IFT88: variants seen among roughly 807,000 people sequenced by gnomAD.
IFT88 encodes the protein intraflagellar transport protein 88 homolog.
Under a neutral mutation model 119.5 loss-of-function variants are expected in IFT88, and 74 were observed. That is an observed-to-expected ratio of 0.62 (90% CI 0.51 to 0.75). The LOEUF is 0.75. Ranked by LOEUF, IFT88 falls within the 30% of genes least tolerant of loss-of-function variation. The probability of loss-of-function intolerance (pLI) is 0.00; values close to 1 mark genes in which losing one functional copy is unlikely to be tolerated. For missense variants in IFT88, 961 were observed against 977.7 expected, an observed-to-expected ratio of 0.98 and a Z score of 0.23; for synonymous variants, 279 against 316.7, an observed-to-expected ratio of 0.88 and a Z score of 1.26.
intron 20 of IFT88, among the ~76,000 whole-genome samples, chr13:20,646,207 C>T (rs1222426879): frequency 7.9e-5 from 12 of 152,114 alleles, no homozygotes; most frequent in Non-Finnish European, 7.4e-5. Flanking sequence ...TTTGACCTCC[C>T]TAACTCCATT....
intron 14 of IFT88, among the ~76,000 whole-genome samples, chr13:20,622,468 G>A (rs2139861467): frequency 6.6e-6 from 1 of 152,282 alleles, no homozygotes; most frequent in South Asian, 2.1e-4. Context: ...AATTTCTGGG[G>A]TGCCACATCC....
intron 17 of IFT88, among the ~76,000 whole-genome samples, 157 bp downstream of exon 17, chr13:20,638,675 T>C (rs566905715): frequency 6.6e-6 from 1 of 152,350 alleles, no homozygotes; most frequent in Admixed American, 6.5e-5. Flanking sequence ...TTATAGATTA[T>C]TTTAAATGGA....
intron 9 of IFT88, among the ~76,000 whole-genome samples, chr13:20,597,936 T>C (rs899597792): frequency 2.6e-5 from 4 of 151,998 alleles, no homozygotes; most frequent in African/African-American, 9.7e-5. Flanking sequence ...TAAAATAATG[T>C]TCTATGAGGG....
rs746171601 is a variant in IFT88, at chr13:20,638,370, A to G, written c.1425A>G (p.Ile475Met). ...DFAQASSYADIAVNSDRYNPA... is the reference protein window; with the variant it reads ...DFAQASSYADMAVNSDRYNPA... The stretch of plus-strand genomic sequence containing the variant: ...CACAAGCCAGCAGCTATGCAGATAT[A>G]GCTGTGAACTCTGATAGATATAATC... Residue 475 changes from isoleucine to methionine, a missense_variant, in exon 17 of 26, where the codon ATA becomes ATG. Ile to Met is a conservative substitution (Grantham distance 10). Transcript: ENST00000351808. 3 of 1,450,644 alleles carry G rather than the reference A, an allele frequency of 2.1e-6. No individual in the cohort carries two copies. The highest frequency in any genetic ancestry group is 2.7e-6 in the Non-Finnish European group (3 of 1,100,428). The allele number at this position is 1,450,644 out of a possible 1,614,324, so 89.9% of individuals were successfully genotyped here. A position where few individuals can be genotyped will look rare whatever the true frequency, so the allele number is the denominator to read the frequency against.
intron 22 of IFT88, among the ~76,000 whole-genome samples, chr13:20,660,001 T>C (rs768438915): frequency 1.1e-4 from 17 of 152,222 alleles, no homozygotes; most frequent in Non-Finnish European, 2.4e-4. Flanking sequence ...GGAGTGACTA[T>C]TCTGTTCCAG....
chr13:20,683,661 A>G (rs1344545129), intron 24 of IFT88, among the ~76,000 whole-genome samples: 1 of 152,204 alleles, frequency 6.6e-6, no homozygotes, highest in Non-Finnish European at 1.5e-5. Flanking sequence ...CCGCTCCTGT[A>G]TCTACCAATC....
chr13:20,570,751 A>G (rs1454154214), intron 1 of IFT88, among the ~76,000 whole-genome samples: 1 of 152,174 alleles, frequency 6.6e-6, no homozygotes, highest in South Asian at 2.1e-4. Context: ...TCTTTATGGG[A>G]TGATGAAAGT....
At chr13:20,607,590 C>T (rs2043725866) in intron 13 of IFT88, 2 of 749,340 alleles carry the variant, frequency 2.7e-6, no homozygotes, top group East Asian at 5.0e-5. Flanking sequence ...GATCCACCAT[C>T]TCCCGCTGCT....
rs1566269962 is a variant in IFT88, at chr13:20,630,999, A to G, written c.1300-17A>G. On this transcript the variant is annotated splice_polypyrimidine_tract_variant and intron_variant, in intron 15 of 25. Coordinates refer to ENST00000351808, the MANE Select transcript of IFT88 (RefSeq NM_006531.5). ...TCATATTACAGTGGTAGTAACCTTC[A>G]GATATTCCATTTCTAGGCTGTAGAG... is the stretch of plus-strand genomic sequence containing the variant. 1 of 1,442,490 alleles carries G rather than the reference A, an allele frequency of 6.9e-7. No individual in the cohort carries two copies. Among genetic ancestry groups the G allele is most frequent in the Non-Finnish European group, 9.8e-7 (1 of 1,023,976 alleles). 89.4% of individuals were successfully genotyped at this position (1,442,490 alleles called of 1,614,324 possible).
chr13:20,568,575 G>T (rs2035467958), intron 1 of IFT88, among the ~76,000 whole-genome samples: 1 of 152,146 alleles, frequency 6.6e-6, no homozygotes, highest in Non-Finnish European at 1.5e-5. Context: ...CAGAAATTAT[G>T]GTTCAGAATA....
chr13:20,675,159 C>T (rs927570224), intron 24 of IFT88, among the ~76,000 whole-genome samples: 1 of 152,054 alleles, frequency 6.6e-6, no homozygotes, highest in African/African-American at 2.4e-5. Context: ...GGAGTGTACG[C>T]TCTGAGGAGG....
intron 7 of IFT88, 35 bp from the exon 8 acceptor site, chr13:20,596,115 A>G (rs76965110): frequency 2.2e-5 from 15 of 696,182 alleles, no homozygotes; most frequent in South Asian, 3.3e-5. Context: ...TAGAGGTTGA[A>G]TGATTTAAAT....
chr13:20,672,251 G>A (rs1480749951), intron 24 of IFT88, among the ~76,000 whole-genome samples: 2 of 152,104 alleles, frequency 1.3e-5, no homozygotes, highest in African/African-American at 2.4e-5. Context: ...CAGTGGCATC[G>A]GGTTCTAGCC....
chr13:20,581,058 TC>T (rs1334438106), intron 2 of IFT88, among the ~76,000 whole-genome samples: 1 of 152,134 alleles, frequency 6.6e-6, no homozygotes, highest in Non-Finnish European at 1.5e-5. Context: ...CAGGGACACT[TC>T]CTACCTCCTC....
chr13:20,623,807 G>A (rs189044264), intron 14 of IFT88, among the ~76,000 whole-genome samples: 68 of 152,138 alleles, frequency 4.5e-4, no homozygotes, highest in African/African-American at 1.2e-3. Flanking sequence ...AATTTCTCTC[G>A]GCAATGTTTT....
chr13:20,607,288 G>A, intron 13 of IFT88: 1 of 439,174 alleles, frequency 2.3e-6, no homozygotes, highest in Non-Finnish European at 4.6e-6. Context: ...ACTGCGTGCT[G>A]CCACTCACCT....
intron 13 of IFT88, among the ~76,000 whole-genome samples, chr13:20,609,390 A>G (rs1310309795): frequency 6.6e-6 from 1 of 152,192 alleles, no homozygotes; most frequent in African/African-American, 2.4e-5. Flanking sequence ...GATCTGAATC[A>G]TGTTCTGGGT....
At chr13:20,624,366 G>A (rs749026561) in intron 14 of IFT88, among the ~76,000 whole-genome samples, 21 of 152,248 alleles carry the variant, frequency 1.4e-4, no homozygotes, top group Admixed American at 7.2e-4. Flanking sequence ...GAACCTACAC[G>A]TGTTCAGCTA....
chr13:20,581,769 C>T (rs1179707743), intron 2 of IFT88, among the ~76,000 whole-genome samples: 4 of 151,270 alleles, frequency 2.6e-5, no homozygotes, highest in African/African-American at 9.7e-5. Flanking sequence ...GGGACAATCA[C>T]CTGAGCCTGG....
Sources: gnomAD v4.1 joint callset for allele counts (sites outside exome capture counted in the v4.1 genomes callset) on GRCh38, gnomAD v4.1.1 for gene constraint, MANE v1.5 for transcripts, NCBI Gene and HGNC (gene_info 2026-07-23, HGNC 2026-07-21) for gene names.